MACF1: variants seen among roughly 807,000 people sequenced by gnomAD.
The protein encoded by MACF1 is microtubule-actin cross-linking factor 1.
A neutral mutation model predicts 854.8 loss-of-function variants in MACF1; 193 were observed. That is an observed-to-expected ratio of 0.23 (90% CI 0.20 to 0.25). The LOEUF is 0.25. Ranked by LOEUF, MACF1 falls within the 10% of genes least tolerant of loss-of-function variation. The pLI is 1.00. For synonymous variants in MACF1, 3,185 were observed against 3,226.7 expected (o/e 0.99, Z 0.44); for missense variants, 7,722 against 8,929.1 (o/e 0.86, Z 5.45).
rs1244573076 is a variant in MACF1, at chr1:39,458,466, A to G, written c.21172A>G (p.Ile7058Val). 3 of 1,613,872 alleles carry G rather than the reference A, an allele frequency of 1.9e-6. No individual in the cohort carries two copies. Among genetic ancestry groups the G allele is most frequent in the African/African-American group, 1.3e-5 (1 of 74,916 alleles). ...CATAGAGCCTACTCACGCGCCTTTC[A>G]TAGAGAAATCCCGCAGCGGAGGCAG... Reference protein sequence around the residue: ...KNIEPTHAPFIEKSRSGGRKS... With the variant: ...KNIEPTHAPFVEKSRSGGRKS... The change falls in exon 90 of 101, where the codon ATA (isoleucine) becomes GTA (valine). Residue 7058 changes from isoleucine (I) to valine (V), a missense_variant. Physicochemically the swap from Ile to Val is conservative, Grantham distance 29. This residue lies in a region of MACF1 where 729 missense variants were observed against 900.5 expected (regional missense o/e 0.81). Transcript: ENST00000564288.
At chr1:39,288,388 C>T (rs559756066) in intron 15 of MACF1, among the ~76,000 whole-genome samples, 22 of 151,852 alleles carry the variant, frequency 1.4e-4, no homozygotes, top group Non-Finnish European at 2.4e-4. Context: ...GTCCCAGCTA[C>T]TTGGGAGGCT....
chr1:39,369,933 G>A, intron 50 of MACF1, 97 bp from the exon 51 acceptor site: 1 of 1,108,066 alleles, frequency 9.0e-7, no homozygotes, highest in South Asian at 1.6e-5. Flanking sequence ...GGCCATGTTA[G>A]GTAACTGATG....
chr1:39,194,647 G>A (rs1254614051), intron 2 of MACF1, among the ~76,000 whole-genome samples: 1 of 151,332 alleles, frequency 6.6e-6, no homozygotes, highest in Non-Finnish European at 1.5e-5. Context: ...CCAGCCAAAA[G>A]TGGAATTTCT....
intron 2 of MACF1, among the ~76,000 whole-genome samples, chr1:39,091,599 G>A (rs1205465735): frequency 1.3e-5 from 2 of 152,052 alleles, no homozygotes; most frequent in African/African-American, 4.8e-5. Context: ...AAATTCAAGC[G>A]ATTCTCCTGC....
Position 39,186,170 on chromosome 1 carries a change from ATCTCTCTC to A in MACF1, c.221-44974_221-44967del, listed in dbSNP as rs55658204. ...CCATGTGGGGGCTGGGATTCTGAACATCTCTCTCTCTCTCTCTCTCTCTCTCTCTCTCT... is the reference window on the plus strand; with the variant it reads ...CCATGTGGGGGCTGGGATTCTGAACATCTCTCTCTCTCTCTCTCTCTCTCT... On this transcript the variant is annotated intron_variant, in intron 2 of 93. Transcript: ENST00000361689. Among the ~76,000 whole-genome samples the A allele has an allele frequency of 7.5e-3, 830 of 109,948 alleles. 8 individuals carry two copies. The highest frequency in any genetic ancestry group is 0.01 in the South Asian group (33 of 3,170). 72.1% of individuals were successfully genotyped at this position (109,948 alleles called of 152,430 possible).
intron 2 of MACF1, among the ~76,000 whole-genome samples, chr1:39,104,205 TG>T (rs1457725852): frequency 1.3e-5 from 2 of 152,118 alleles, no homozygotes; most frequent in Non-Finnish European, 2.9e-5. Context: ...AACTGCTAAA[TG>T]GGGGGTGGCG....
intron 90 of MACF1, chr1:39,458,706 G>T: frequency 1.7e-6 from 1 of 598,792 alleles, no homozygotes; most frequent in Non-Finnish European, 2.7e-6. Flanking sequence ...TTACGAGGTG[G>T]TTAAGCTTAT....
At position 39,352,997 on chromosome 1, in the gene MACF1, T is replaced by C. The variant is rs778166802; in HGVS notation, c.11200-10T>C. 3.7e-6 allele frequency: 6 copies of C among 1,600,410 alleles called. No individual in the cohort carries two copies. Among genetic ancestry groups the C allele is most frequent in the Non-Finnish European group, 5.1e-6 (6 of 1,167,828 alleles). ...AAGCCTTCTCACTAGACTACCTCGG[T>C]GGCTTTCAGAGTAAAGCAGCAAAGG... On this transcript the variant is annotated splice_polypyrimidine_tract_variant and intron_variant, in intron 43 of 100. Coordinates refer to ENST00000564288, the MANE Select transcript of MACF1 (RefSeq NM_001394062.1).
At chr1:39,158,508 T>C (rs1238128178) in intron 2 of MACF1, among the ~76,000 whole-genome samples, 2 of 152,220 alleles carry the variant, frequency 1.3e-5, no homozygotes, top group African/African-American at 4.8e-5. Context: ...TGTGGTGATA[T>C]TCTTGTGGTG....
intron 58 of MACF1, chr1:39,412,828 G>T: frequency 6.2e-7 from 1 of 1,612,324 alleles, no homozygotes; most frequent in Non-Finnish European, 8.5e-7. Context: ...GCCCAGCCCA[G>T]AGGAGGGTAC....
Position 39,098,788 on chromosome 1 carries a change from C to CGGGT in MACF1, c.220+14350_220+14351insGGGT, listed in dbSNP as rs780142116. On this transcript the variant is annotated intron_variant, in intron 2 of 93. Coordinates refer to the MACF1 transcript ENST00000361689. Reference sequence around the variant, plus strand: ...CTTGTCTTCCTGGGTGGCTGGCACCCTCCAGGCCTCTTAAATTGAGATGTT... The same window carrying CGGGT: ...CTTGTCTTCCTGGGTGGCTGGCACCCGGGTTCCAGGCCTCTTAAATTGAGATGTT... Among the ~76,000 whole-genome samples the CGGGT allele has an allele frequency of 3.9e-4, 60 of 152,266 alleles. 1 individual carries two copies. The highest frequency in any genetic ancestry group is 3.9e-4 in the Admixed American group (6 of 15,298).
At chr1:39,201,880 C>G (rs1002423997), upstream of MACF1, among the ~76,000 whole-genome samples, 9 of 149,198 alleles carry the variant, frequency 6.0e-5, no homozygotes, top group African/African-American at 2.2e-4. Flanking sequence ...AAACGTAATT[C>G]TGCCTCAGGG....
intron 2 of MACF1, among the ~76,000 whole-genome samples, chr1:39,115,783 G>C (rs181094936): frequency 6.6e-6 from 1 of 152,184 alleles, no homozygotes; most frequent in African/African-American, 2.4e-5. Flanking sequence ...CAGAGAAAGA[G>C]GATCTCCTGA....
intron 2 of MACF1, among the ~76,000 whole-genome samples, chr1:39,112,087 C>CTCTT (rs779878151): frequency 7.5e-6 from 1 of 133,612 alleles, no homozygotes; most frequent in Non-Finnish European, 1.6e-5. Context: ...TTATTCAAAT[C>CTCTT]TTTTTTTTTT....
Position 39,334,933 on chromosome 1 carries a change from G to A in MACF1, c.8345G>A (p.Cys2782Tyr), listed in dbSNP as rs1023583729. The change falls in exon 37 of 101, where the codon TGT becomes TAT. Residue 2782 changes from cysteine to tyrosine, a missense_variant. Around this residue, in one of 15 missense-constraint regions of MACF1, gnomAD observed 1,531 missense variants for 1,601.6 expected, o/e 0.96. Coordinates refer to ENST00000564288, the MANE Select transcript of MACF1 (RefSeq NM_001394062.1). Reference sequence around the variant, plus strand: ...GAAAAGCAAGAAGGGATTGAAGTGTGTGCATTACAAAATGAATTTCTAGGA... The same window carrying A: ...GAAAAGCAAGAAGGGATTGAAGTGTATGCATTACAAAATGAATTTCTAGGA... The part of the protein sequence containing the change: ...QIEKQEGIEV[C>Y]ALQNEFLGKD... The A allele has an allele frequency of 1.2e-6, 2 of 1,614,046 alleles. No individual in the cohort carries two copies. The highest frequency in any genetic ancestry group is 1.7e-5 in the Admixed American group (1 of 60,004).
intron 58 of MACF1, among the ~76,000 whole-genome samples, chr1:39,421,197 T>G (rs1446444965): frequency 2.0e-5 from 3 of 152,130 alleles, no homozygotes; most frequent in Non-Finnish European, 4.4e-5. Flanking sequence ...GAAGTACCAT[T>G]CTCTTCTGAC....
At position 39,387,857 on chromosome 1, in the gene MACF1, C is replaced by G. The variant is rs369137678; in HGVS notation, c.15015C>G (p.Leu5005=). The G allele has an allele frequency of 3.1e-6, 5 of 1,613,788 alleles. No individual in the cohort carries two copies. The Admixed American group carries it at 6.7e-5, about 22-fold the overall frequency. Residue 5005 remains leucine (L), a synonymous_variant, in exon 58 of 101, where the codon CTC becomes CTG. Transcript: ENST00000564288. The part of the protein sequence containing the change: ...TEELQAKTGS[L]EEMTQRLREF... ...AGCTGCAGGCCAAAACAGGGTCACT[C>G]GAAGAAATGACTCAGAGGCTCAGGG...
chr1:39,352,613 G>A (rs1402503022), intron 43 of MACF1, among the ~76,000 whole-genome samples: 1 of 152,114 alleles, frequency 6.6e-6, no homozygotes, highest in Non-Finnish European at 1.5e-5. Context: ...CACCTCCCAG[G>A]TTCAAACGAT....
chr1:39,184,129 G>C (rs115298376), intron 2 of MACF1, among the ~76,000 whole-genome samples: 2,505 of 152,294 alleles, frequency 0.016, 69 homozygotes, highest in African/African-American at 0.054. Context: ...CATGAGCCCT[G>C]GTGTGGGCAG....
Sources: gnomAD v4.1 joint callset for allele counts (sites outside exome capture counted in the v4.1 genomes callset) on GRCh38, gnomAD v4.1.1 for gene constraint, gnomAD v4.1.1 regional missense constraint, MANE v1.5 for transcripts, NCBI Gene and HGNC (gene_info 2026-07-23, HGNC 2026-07-21) for gene names.